LIMS2: variants seen among roughly 807,000 people sequenced by gnomAD.
LIMS2 encodes LIM and senescent cell antigen-like-containing domain protein 2.
A neutral mutation model predicts 45.3 loss-of-function variants in LIMS2; 30 were observed. The ratio of observed to expected loss-of-function variants is 0.66; its 90% CI spans 0.50 to 0.90. LIMS2 has a LOEUF of 0.90. Among genes scored for constraint, LIMS2 ranks in the 40% least tolerant of loss-of-function variants. The pLI is 0.00. For synonymous variants in LIMS2, 173 were observed against 188.0 expected (o/e 0.92, Z 0.65); for missense variants, 485 against 468.7 (o/e 1.03, Z -0.32).
At chr2:127,661,803 G>A (rs769347866) in intron 1 of LIMS2, among the ~76,000 whole-genome samples, 5 of 152,230 alleles carry the variant, frequency 3.3e-5, no homozygotes, top group Non-Finnish European at 7.3e-5. Flanking sequence ...CTTTGTATAA[G>A]GGGAGGAGGC....
chr2:127,664,378 C>A lies in LIMS2; in HGVS notation c.12-6816G>T. 1 of 1,212,208 alleles carries A rather than the reference C, an allele frequency of 8.2e-7. No homozygotes were observed. Among genetic ancestry groups the A allele is most frequent in the South Asian group, 4.1e-5 (1 of 24,200 alleles). 75.1% of individuals were successfully genotyped at this position (1,212,208 alleles called of 1,614,324 possible). On this transcript the variant is annotated intron_variant, in intron 1 of 9. Transcript: ENST00000355119. This position sits in a 1 kb window ranked among gnomAD's most constrained non-coding sequence, Gnocchi z 5.5. ...CCCCGACGCGGCCAGCGCACCCAGC[C>A]GGGCCGCCATGGCGCGGGGCAGCCG...
intron 1 of LIMS2, among the ~76,000 whole-genome samples, chr2:127,660,510 G>A (rs1043016865): frequency 2.6e-5 from 4 of 152,066 alleles, no homozygotes; most frequent in African/African-American, 4.8e-5. Flanking sequence ...AGATAATTCC[G>A]GATGTGCCAC....
In LIMS2 at chr2:127,642,233, C is replaced by G. The variant is rs758501531; in HGVS notation, c.510-34G>C. 2 of 1,482,130 alleles carry G rather than the reference C, an allele frequency of 1.3e-6. No homozygotes were observed. The highest frequency in any genetic ancestry group is 2.5e-5 in the East Asian group (1 of 39,640). The allele number at this position is 1,482,130 out of a possible 1,614,324, so 91.8% of individuals were successfully genotyped here. On this transcript the variant is annotated intron_variant, in intron 5 of 9. Coordinates refer to ENST00000355119, the MANE Select transcript of LIMS2 (RefSeq NM_001161403.3). This position sits in a 1 kb window ranked among gnomAD's most constrained non-coding sequence, Gnocchi z 5.3. ...CAGCGTGCAGCCCCCAGGTGCCACC[C>G]CTGCCCTTCTGCAGGGTCATGCCAG...
intron 1 of LIMS2, among the ~76,000 whole-genome samples, chr2:127,661,520 C>A (rs1244203800): frequency 6.6e-6 from 1 of 152,188 alleles, no homozygotes; most frequent in Non-Finnish European, 1.5e-5. Context: ...TTTGCACATT[C>A]CTTCAAGATA....
chr2:127,650,603 A>T, intron 4 of LIMS2: 1 of 733,912 alleles, frequency 1.4e-6, no homozygotes, highest in Non-Finnish European at 2.3e-6. Context: ...GGCGGTGCTG[A>T]GCTTGAAAGT....
rs904654993 is a variant in LIMS2, at chr2:127,664,727, G to A, written c.12-7165C>T. 7 of 488,908 alleles carry A rather than the reference G, an allele frequency of 1.4e-5. No homozygotes were observed. The highest frequency in any genetic ancestry group is 1.9e-5 in the Non-Finnish European group (7 of 376,134). The allele number at this position is 488,908 out of a possible 1,614,324, so 30.3% of individuals were successfully genotyped here. A position where few individuals can be genotyped will look rare whatever the true frequency, so the allele number is the denominator to read the frequency against. On this transcript the variant is annotated intron_variant, in intron 1 of 9. Coordinates refer to ENST00000355119, the MANE Select transcript of LIMS2 (RefSeq NM_001161403.3). This position sits in a 1 kb window ranked among gnomAD's most constrained non-coding sequence, Gnocchi z 5.5. ...CACAGTGGCGGCAGGACACCCAGGA[G>A]GTCTCCGGCTGCCACCTGCCAGGAG...
chr2:127,648,426 G>A (rs115436623), intron 4 of LIMS2: 3,329 of 153,458 alleles, frequency 0.022, 131 homozygotes, highest in African/African-American at 0.076. Context: ...CTGGCCACTC[G>A]CTCTCCTGAA....
chr2:127,664,608 G>T lies in LIMS2; in HGVS notation c.12-7046C>A, dbSNP rs1684903140. ...ATAGAAAGGATATTGTTCGCGCCGC[G>T]GGGGCAGCTCCTGAAAGCTGAGGCT... On this transcript the variant is annotated intron_variant, in intron 1 of 9. Coordinates refer to ENST00000355119, the MANE Select transcript of LIMS2 (RefSeq NM_001161403.3). This position sits in a 1 kb window ranked among gnomAD's most constrained non-coding sequence, Gnocchi z 5.5. 9.0e-7 allele frequency: 1 copy of T among 1,116,894 alleles called. No homozygotes were observed. Among genetic ancestry groups the T allele is most frequent in the East Asian group, 4.9e-5 (1 of 20,350 alleles). 69.2% of individuals were successfully genotyped at this position (1,116,894 alleles called of 1,614,324 possible). A position where few individuals can be genotyped will look rare whatever the true frequency, so the allele number is the denominator to read the frequency against.
At chr2:127,657,697 T>C (rs1050169669) in intron 1 of LIMS2, 135 bp from the exon 2 acceptor site, 1 of 992,678 alleles carries the variant, frequency 1.0e-6, no homozygotes, top group African/African-American at 1.6e-5. Flanking sequence ...AAAATCGCTC[T>C]AACCCAGGGT....
chr2:127,650,189 G>C, intron 4 of LIMS2: 1 of 965,496 alleles, frequency 1.0e-6, no homozygotes, highest in East Asian at 2.6e-5. Context: ...AGAAAGCGGT[G>C]ACACCCCGGC....
chr2:127,657,573 G>A lies in LIMS2; in HGVS notation c.12-11C>T. The stretch of plus-strand genomic sequence containing the variant: ...GCGTCCGACATATTGCTGGGGGCAG[G>A]AGACAGGAGGAGTGAGTCAGAGCTG... On this transcript the variant is annotated splice_polypyrimidine_tract_variant and intron_variant, in intron 1 of 9. Coordinates refer to ENST00000355119, the MANE Select transcript of LIMS2 (RefSeq NM_001161403.3). 6.3e-7 allele frequency: 1 copy of A among 1,586,002 alleles called. No individual in the cohort carries two copies. The highest frequency in any genetic ancestry group is 1.7e-5 in the Admixed American group (1 of 58,574).
At chr2:127,677,646 G>A (rs1376194052), upstream of LIMS2, among the ~76,000 whole-genome samples, 2 of 152,212 alleles carry the variant, frequency 1.3e-5, no homozygotes, top group South Asian at 2.1e-4. This position sits in a 1 kb window ranked among gnomAD's most constrained non-coding sequence, Gnocchi z 5.0. Context: ...CCAGGGCAGA[G>A]CAGCAGGGCC....
chr2:127,648,958 AGGGGAGGGGGGGAGGGGAGGGAG>A (rs1683303272), intron 4 of LIMS2, among the ~76,000 whole-genome samples: 1 of 27,422 alleles, frequency 3.6e-5, no homozygotes, highest in African/African-American at 1.6e-4. Flanking sequence ...AGGGGAGGGG[AGGGGAGGGGGGGAGGGGAGGGAG>A]GGGAGGGGAG....
At chr2:127,643,651 T>C (rs1374663822) in intron 4 of LIMS2, 1 of 453,012 alleles carries the variant, frequency 2.2e-6, no homozygotes, top group Non-Finnish European at 4.5e-6. Context: ...TAATTTCTGA[T>C]GCTACTCGCT....
chr2:127,651,548 C>A (rs575753414), intron 4 of LIMS2: 60 of 1,612,494 alleles, frequency 3.7e-5, no homozygotes, highest in Non-Finnish European at 4.5e-5. Context: ...CCTGCGCCAC[C>A]CAGCGCATCC....
chr2:127,642,931 G>C lies in LIMS2; in HGVS notation c.501C>G (p.Thr167=). The change falls in exon 5 of 10, where the codon ACC becomes ACG. Residue 167 remains threonine, a synonymous_variant. Coordinates refer to ENST00000355119, the MANE Select transcript of LIMS2 (RefSeq NM_001161403.3). The surrounding 1 kb of genome is among the most constrained non-coding windows in gnomAD (Gnocchi z 5.3). ...DAYHPDHFNC[T]HCGKELTAEA... is the part of the protein sequence containing the mutation. ...CCGGGCTGCGCACCTACCCACAGTG[G>C]GTGCAGTTGAAGTGGTCAGGGTGGT... 1 of 1,562,402 alleles carries C rather than the reference G, an allele frequency of 6.4e-7. No individual in the cohort carries two copies. The highest frequency in any genetic ancestry group is 1.2e-5 in the South Asian group (1 of 84,884).
chr2:127,660,903 G>A (rs376662161), intron 1 of LIMS2, among the ~76,000 whole-genome samples: 25 of 127,814 alleles, frequency 2.0e-4, no homozygotes, highest in African/African-American at 4.0e-4. Context: ...CGACAGTATC[G>A]CACAAAGCGT....
At chr2:127,643,135 G>C in intron 4 of LIMS2, 63 bp from the exon 5 acceptor site, 1 of 1,505,168 alleles carries the variant, frequency 6.6e-7, no homozygotes, top group African/African-American at 1.4e-5. Flanking sequence ...CCACCTCCAG[G>C]AGAAGAGAGG....
chr2:127,641,871 G>T, intron 6 of LIMS2, 178 bp downstream of exon 6: 1 of 654,638 alleles, frequency 1.5e-6, no homozygotes, highest in East Asian at 3.2e-5. Flanking sequence ...TGGCTCCCGT[G>T]GGCAGGCTGG....
Sources: gnomAD v4.1 joint callset for allele counts (sites outside exome capture counted in the v4.1 genomes callset) on GRCh38, gnomAD v4.1.1 for gene constraint, Gnocchi (gnomAD v3.1) non-coding constraint, MANE v1.5 for transcripts, NCBI Gene and HGNC (gene_info 2026-07-23, HGNC 2026-07-21) for gene names.